DPY19L3: variants seen among roughly 807,000 people sequenced by gnomAD.
DPY19L3 encodes dpy-19 like C-mannosyltransferase 3, also known as protein C-mannosyl-transferase DPY19L3.
A neutral mutation model predicts 92.3 loss-of-function variants in DPY19L3; 51 were observed. The observed-to-expected ratio is 0.55, with a 90% CI of 0.44 to 0.70. DPY19L3 has a LOEUF of 0.70. DPY19L3 is among the 30% of genes least tolerant of loss of function. The pLI, the probability that DPY19L3 is intolerant of heterozygous loss-of-function variation, is 0.00. For missense variants in DPY19L3, 706 were observed against 855.9 expected (o/e 0.82, Z 2.18); for synonymous variants, 309 against 315.2 (o/e 0.98, Z 0.21).
chr19:32,480,338 T>C, intron 17 of DPY19L3, 61 bp from the exon 18 acceptor site: 1 of 1,549,572 alleles, frequency 6.5e-7, no homozygotes, highest in Non-Finnish European at 8.7e-7. Context: ...TTACATCACA[T>C]AGTTAACTCC....
chr19:32,475,720 C>T (rs1198005129), intron 16 of DPY19L3, among the ~76,000 whole-genome samples: 1 of 152,224 alleles, frequency 6.6e-6, no homozygotes, highest in African/African-American at 2.4e-5. Context: ...TGCACCTTCA[C>T]GTTTTCATTG....
chr19:32,441,097 AG>A (rs1212555271), intron 8 of DPY19L3, among the ~76,000 whole-genome samples: 1 of 152,228 alleles, frequency 6.6e-6, no homozygotes, highest in Admixed American at 6.5e-5. Flanking sequence ...GTAGTTTCAC[AG>A]TAGGTATCAA....
At chr19:32,418,006 C>A (rs1198562018) in intron 3 of DPY19L3, among the ~76,000 whole-genome samples, 2 of 152,078 alleles carry the variant, frequency 1.3e-5, no homozygotes, top group African/African-American at 4.8e-5. Context: ...GGAGTTCCGT[C>A]TGTGTTGGAA....
chr19:32,477,464 T>C (rs1295421714), intron 16 of DPY19L3, 58 bp from the exon 17 acceptor site: 1 of 1,600,712 alleles, frequency 6.2e-7, no homozygotes, highest in African/African-American at 1.3e-5. Flanking sequence ...ATTGTCTTCT[T>C]TGTTGTCTTT....
chr19:32,453,083 T>TGTC, intron 8 of DPY19L3, 62 bp from the exon 9 acceptor site: 1 of 1,587,994 alleles, frequency 6.3e-7, no homozygotes, highest in Non-Finnish European at 8.6e-7. Context: ...ATGACCAACA[T>TGTC]GTCGACATGT....
intron 11 of DPY19L3, 65 bp from the exon 12 acceptor site, chr19:32,458,286 A>C: frequency 6.3e-7 from 1 of 1,587,126 alleles, no homozygotes; most frequent in Non-Finnish European, 8.6e-7. Context: ...CCTCTGAGGA[A>C]AGATGCAATG....
intron 10 of DPY19L3, among the ~76,000 whole-genome samples, chr19:32,456,206 G>A (rs567920473): frequency 1.3e-5 from 2 of 149,192 alleles, no homozygotes; most frequent in East Asian, 2.0e-4. Context: ...CTCCTGAGTA[G>A]CTAGGACTAT....
At chr19:32,464,021 A>G in intron 14 of DPY19L3, 41 bp downstream of exon 14, 5 of 1,405,778 alleles carry the variant, frequency 3.6e-6, no homozygotes, top group Non-Finnish European at 4.0e-6. Context: ...TATGACTTGC[A>G]GTATTTCTTT....
chr19:32,421,644 AAAGAG>A (rs776599899), intron 3 of DPY19L3, among the ~76,000 whole-genome samples: 5 of 32,630 alleles, frequency 1.5e-4, no homozygotes, highest in Non-Finnish European at 2.8e-4. Context: ...AAAAAAAAAA[AAAGAG>A]AGAGGAGTCT....
At chr19:32,432,280 A>G (rs563248093) in intron 3 of DPY19L3, among the ~76,000 whole-genome samples, 17 of 152,328 alleles carry the variant, frequency 1.1e-4, no homozygotes, top group Admixed American at 8.5e-4. Flanking sequence ...CGCTTGTCAG[A>G]GTAAAATTCA....
chr19:32,425,747 C>A (rs535159867), intron 3 of DPY19L3, among the ~76,000 whole-genome samples: 5 of 151,974 alleles, frequency 3.3e-5, no homozygotes, highest in South Asian at 2.1e-4. Context: ...AATAGTAAAT[C>A]GTGCTGTCAA....
At chr19:32,412,548 ACTAT>A (rs1168322186) in intron 3 of DPY19L3, 1 of 151,784 alleles carries the variant, frequency 6.6e-6, no homozygotes, top group African/African-American at 2.4e-5. Flanking sequence ...CATGTTCATG[ACTAT>A]CTAATACTCT....
chr19:32,467,641 C>T, intron 15 of DPY19L3: 1 of 987,540 alleles, frequency 1.0e-6, no homozygotes, highest in South Asian at 4.7e-5. Flanking sequence ...TGCTTTGATT[C>T]TACTAGTGGT....
At chr19:32,413,538 G>C (rs982475475) in intron 3 of DPY19L3, among the ~76,000 whole-genome samples, 1 of 151,436 alleles carries the variant, frequency 6.6e-6, no homozygotes, top group Admixed American at 6.6e-5. Context: ...CCATGCTGGT[G>C]CGCTGCACCC....
rs151047504 is a variant in DPY19L3 at position 32,414,661 on chromosome 19, C to T, written c.237+3289C>T. ...AAACCATGTAGTGCGTATATATTAA[C>T]ATAAGTATTTTGAAAAAAGGCTGAA... On this transcript the variant is annotated intron_variant, in intron 3 of 18. Coordinates refer to ENST00000392250, the MANE Select transcript of DPY19L3 (RefSeq NM_001172774.2). Among the ~76,000 whole-genome samples, 493 of 151,352 alleles carry T rather than the reference C, an allele frequency of 3.3e-3. 2 individuals are homozygous for T. Among genetic ancestry groups the T allele is most frequent in the Middle Eastern group, 0.024 (7 of 286 alleles).
chr19:32,408,640 C>A (rs907751260), intron 2 of DPY19L3, among the ~76,000 whole-genome samples: 1 of 152,260 alleles, frequency 6.6e-6, no homozygotes, highest in East Asian at 1.9e-4. Context: ...CCACCCACAC[C>A]CCAGATTTTA....
intron 3 of DPY19L3, among the ~76,000 whole-genome samples, chr19:32,419,091 C>T (rs558348234): frequency 6.6e-6 from 1 of 151,020 alleles, no homozygotes; most frequent in East Asian, 1.9e-4. Context: ...TTTAAAATAC[C>T]CTTTATTGAA....
chr19:32,458,113 T>C lies in DPY19L3; in HGVS notation c.1103T>C (p.Leu368Pro). ...LNNIIKKILN[L>P]KSDEHIFKFL... Reference sequence around the variant, plus strand: ...TTTCCCCGATAGAAAATTCTTAACCTGAAGTCAGATGAACACATATTTAAA... The same window carrying C: ...TTTCCCCGATAGAAAATTCTTAACCCGAAGTCAGATGAACACATATTTAAA... Residue 368 changes from leucine to proline, a missense_variant, in exon 11 of 19, where the codon CTG (leucine) becomes CCG (proline). Leu to Pro is a moderately conservative substitution (Grantham distance 98). Coordinates refer to ENST00000392250, the MANE Select transcript of DPY19L3 (RefSeq NM_001172774.2). 6.2e-7 allele frequency: 1 copy of C among 1,613,296 alleles called. No individual in the cohort carries two copies. Among genetic ancestry groups the C allele is most frequent in the Non-Finnish European group, 8.5e-7 (1 of 1,179,782 alleles).
At position 32,435,359 on chromosome 19, in the gene DPY19L3, A is replaced by G. The variant is rs576892688; in HGVS notation, c.329-1087A>G. ...CACATTTCAGTCCACAGCACCTCCT[A>G]TTGAGGAACATCTGGGTTGTTTTGG... On this transcript the variant is annotated intron_variant, in intron 4 of 18. Coordinates refer to ENST00000392250, the MANE Select transcript of DPY19L3 (RefSeq NM_001172774.2). Among the ~76,000 whole-genome samples, 39 of 152,294 alleles carry G rather than the reference A, an allele frequency of 2.6e-4. 1 individual carries two copies. The highest frequency in any genetic ancestry group is 7.7e-4 in the East Asian group (4 of 5,182).
Sources: gnomAD v4.1 joint callset for allele counts (sites outside exome capture counted in the v4.1 genomes callset) on GRCh38, gnomAD v4.1.1 for gene constraint, MANE v1.5 for transcripts, NCBI Gene and HGNC (gene_info 2026-07-23, HGNC 2026-07-21) for gene names.